The following FRY variants were observed in gnomAD, a reference collection of about 807,000 sequenced individuals.
FRY encodes protein furry homolog.
Under a neutral mutation model 348.4 loss-of-function variants are expected in FRY, and 128 were observed. The ratio of observed to expected loss-of-function variants is 0.37; its 90% CI spans 0.32 to 0.43. The LOEUF is 0.43. FRY is among the 20% of genes least tolerant of loss of function. The probability of loss-of-function intolerance (pLI) is 1.00; values close to 1 mark genes in which losing one functional copy is unlikely to be tolerated. For synonymous variants in FRY, 1,370 were observed against 1,374.7 expected (o/e 1.00, Z 0.08); for missense variants, 2,736 against 3,695.2 (o/e 0.74, Z 6.73).
intron 58 of FRY, among the ~76,000 whole-genome samples, chr13:32,284,218 T>G (rs1888944608): frequency 1.3e-5 from 2 of 152,262 alleles, no homozygotes; most frequent in African/African-American, 4.8e-5. Context: ...AATTTATATT[T>G]AGCCCTACTA....
Position 32,251,613 on chromosome 13 carries a change from T to TA in FRY, c.7171-256dup, listed in dbSNP as rs141506813. On this transcript the variant is annotated intron_variant, in intron 49 of 60. Transcript: ENST00000542859. Reference sequence around the variant, plus strand: ...TTTTACATTGTCTAATAGTTACCCTTAAAAAAAAAGGAAAAACAGGCAAAA... The same window carrying TA: ...TTTTACATTGTCTAATAGTTACCCTTAAAAAAAAAAGGAAAAACAGGCAAAA... 1.3e-3 allele frequency among the ~76,000 whole-genome samples: 194 copies of TA among 150,672 alleles called. 1 individual carries two copies. Among genetic ancestry groups the TA allele is most frequent in the Non-Finnish European group, 9.9e-4 (67 of 67,588 alleles).
At chr13:32,226,059 A>G (rs1322606433) in intron 39 of FRY, 85 bp downstream of exon 39, 1 of 1,152,218 alleles carries the variant, frequency 8.7e-7, no homozygotes, top group African/African-American at 1.5e-5. Context: ...GCCCAAGTTA[A>G]CTTCTCTCAT....
chr13:32,212,205 A>G, intron 34 of FRY, 87 bp from the exon 35 acceptor site: 2 of 763,862 alleles, frequency 2.6e-6, no homozygotes, highest in African/African-American at 3.5e-5. Context: ...TTTACAGGAA[A>G]TCTTTCCCTG....
At chr13:32,171,761 A>G (rs1306197105) in intron 18 of FRY, among the ~76,000 whole-genome samples, 1 of 152,240 alleles carries the variant, frequency 6.6e-6, no homozygotes, top group Non-Finnish European at 1.5e-5. Context: ...TCAGAGCATG[A>G]TATTCCACAT....
intron 2 of FRY, among the ~76,000 whole-genome samples, chr13:32,079,908 T>C (rs1320338642): frequency 1.3e-5 from 2 of 152,224 alleles, no homozygotes; most frequent in Non-Finnish European, 2.9e-5. Flanking sequence ...AGAGGTTTGC[T>C]TTGCAGAATA....
chr13:32,133,711 T>C (rs1187109407), intron 8 of FRY, among the ~76,000 whole-genome samples: 1 of 151,432 alleles, frequency 6.6e-6, no homozygotes, highest in Non-Finnish European at 1.5e-5. Flanking sequence ...CCAGTGTAGA[T>C]ATTAACATGT....
chr13:32,077,439 T>A (rs1054923629), intron 1 of FRY, among the ~76,000 whole-genome samples: 1 of 152,122 alleles, frequency 6.6e-6, no homozygotes, highest in African/African-American at 2.4e-5. Context: ...AGACACTTTA[T>A]TATATTTTTG....
At chr13:32,236,305 G>A (rs975720535) in intron 43 of FRY, 133 bp downstream of exon 43, 15 of 674,794 alleles carry the variant, frequency 2.2e-5, no homozygotes, top group African/African-American at 1.6e-4. Flanking sequence ...AAAAGTATGT[G>A]TAATACTTTC....
At chr13:32,161,287 G>A (rs763365828) in intron 17 of FRY, 36 bp downstream of exon 17, 17 of 1,250,996 alleles carry the variant, frequency 1.4e-5, no homozygotes, top group African/African-American at 7.4e-5. Flanking sequence ...AATTAATTTC[G>A]ATCCTTTGTT....
intron 59 of FRY, among the ~76,000 whole-genome samples, chr13:32,291,394 CTTTTTCTTTTTT>C (rs1292020717): frequency 3.3e-5 from 5 of 149,362 alleles, no homozygotes; most frequent in Admixed American, 2.0e-4. Flanking sequence ...TTTACTTTTT[CTTTTTCTTTTTT>C]TTTTTTTTCT....
intron 44 of FRY, 29 bp downstream of exon 44, chr13:32,238,015 A>T: frequency 1.2e-6 from 2 of 1,609,326 alleles, no homozygotes; most frequent in Non-Finnish European, 1.7e-6. Flanking sequence ...ACCCTGTCTC[A>T]ATTCTGATGG....
rs77809442 is a variant in FRY, at chr13:32,287,562, A to T, written c.8470-2071A>T. ...TTATACGCTAAAATCTTCAAGCAAT[A>T]AAAGCTTTGATTTTTGGTCTCTAAA... On this transcript the variant is annotated intron_variant, in intron 58 of 60. Transcript: ENST00000542859. 3.7e-3 allele frequency among the ~76,000 whole-genome samples: 571 copies of T among 152,348 alleles called. 6 individuals carry two copies. Among genetic ancestry groups the T allele is most frequent in the African/African-American group, 0.013 (549 of 41,574 alleles).
At chr13:32,107,710 G>A (rs1248854711) in intron 3 of FRY, among the ~76,000 whole-genome samples, 1 of 152,182 alleles carries the variant, frequency 6.6e-6, no homozygotes, top group Admixed American at 6.5e-5. Flanking sequence ...CCGCAGACTA[G>A]TAAGTAAGCT....
intron 1 of FRY, among the ~76,000 whole-genome samples, chr13:32,070,386 C>A (rs1249145513): frequency 1.3e-5 from 2 of 152,126 alleles, no homozygotes; most frequent in Non-Finnish European, 2.9e-5. Context: ...CTGTTGTTTC[C>A]TGACTTTTTA....
At chr13:32,173,991 C>CA (rs1882238010) in intron 19 of FRY, among the ~76,000 whole-genome samples, 1 of 152,148 alleles carries the variant, frequency 6.6e-6, no homozygotes, top group South Asian at 2.1e-4. Flanking sequence ...AATGGCATCA[C>CA]AAAAAACACG....
rs1262694320 is a variant in FRY at position 32,239,253 on chromosome 13, G to T, written c.6420G>T (p.Gly2140=). ...ISMVDASHAI[G]FPLNVLCLLP... is the part of the protein sequence containing the mutation. ...TCCATTGTATCTTCTCTAATCCAGGGTTTCCACTGAATGTCTTGTGTCTCC... is the reference window on the plus strand; with the variant it reads ...TCCATTGTATCTTCTCTAATCCAGGTTTTCCACTGAATGTCTTGTGTCTCC... The change falls in exon 45 of 61, where the codon GGG becomes GGT. Residue 2140 remains glycine (G), a splice_region_variant and synonymous_variant. Transcript: ENST00000542859. The surrounding 1 kb of genome is among the most constrained non-coding windows in gnomAD (Gnocchi z 4.3). 3 of 1,579,346 alleles carry T rather than the reference G, an allele frequency of 1.9e-6. No individual in the cohort carries two copies. Among genetic ancestry groups the T allele is most frequent in the South Asian group, 1.1e-5 (1 of 90,376 alleles).
chr13:32,048,276 T>G (rs1463689235), intron 1 of FRY, among the ~76,000 whole-genome samples: 1 of 152,180 alleles, frequency 6.6e-6, no homozygotes, highest in Non-Finnish European at 1.5e-5. Context: ...TTTTGTCTTT[T>G]GGGATCTTTC....
At chr13:32,059,458 C>A (rs374779985) in intron 1 of FRY, among the ~76,000 whole-genome samples, 1,689 of 110,628 alleles carry the variant, frequency 0.015, no homozygotes, top group Non-Finnish European at 0.017. Flanking sequence ...ACTTAGGAAG[C>A]AAAAAAAAAA....
chr13:32,206,664 C>T lies in FRY; in HGVS notation c.4019-2189C>T, dbSNP rs77514442. Among the ~76,000 whole-genome samples, 942 of 152,304 alleles carry T rather than the reference C, an allele frequency of 6.2e-3. 21 individuals are homozygous for T. In the East Asian group the frequency reaches 0.088, roughly 14 times the overall value. On this transcript the variant is annotated intron_variant, in intron 31 of 60. Coordinates refer to ENST00000542859, the MANE Select transcript of FRY (RefSeq NM_023037.3). ...AGAGAAACAGTCCAGCAAGTTTAAC[C>T]AGATCAGAGGCTCCTATGAGTTGCA...
Sources: gnomAD v4.1 joint callset for allele counts (sites outside exome capture counted in the v4.1 genomes callset) on GRCh38, gnomAD v4.1.1 for gene constraint, Gnocchi (gnomAD v3.1) non-coding constraint, MANE v1.5 for transcripts, NCBI Gene and HGNC (gene_info 2026-07-23, HGNC 2026-07-21) for gene names.